Variants in CNTN5 observed in about 807,000 individuals in gnomAD.
The protein encoded by CNTN5 is contactin-5.
A neutral mutation model predicts 129.1 loss-of-function variants in CNTN5; 77 were observed. The observed-to-expected ratio is 0.60, with a 90% confidence interval of 0.50 to 0.72. The LOEUF (loss-of-function observed/expected upper bound fraction) is 0.72. Among genes scored for constraint, CNTN5 ranks in the 30% least tolerant of loss-of-function variants. The pLI is 0.00. For missense variants in CNTN5, 1,478 were observed against 1,328.8 expected, an observed-to-expected ratio of 1.11 and a Z score of -1.75; for synonymous variants, 509 against 465.6, an observed-to-expected ratio of 1.09 and a Z score of -1.20.
intron 1 of CNTN5, among the ~76,000 whole-genome samples, chr11:99,035,606 T>G (rs549009062): frequency 7.0e-4 from 105 of 149,336 alleles, no homozygotes; most frequent in Middle Eastern, 3.4e-3. Context: ...TGCCTTTTTT[T>G]GTTTTCCATT....
chr11:100,293,398 A>G (rs551853262), intron 18 of CNTN5, among the ~76,000 whole-genome samples: 1 of 151,790 alleles, frequency 6.6e-6, no homozygotes, highest in Non-Finnish European at 1.5e-5. Flanking sequence ...AACTGAAAGC[A>G]TAATTCCTTT....
intron 1 of CNTN5, among the ~76,000 whole-genome samples, chr11:99,051,926 G>A (rs1461094606): frequency 1.3e-5 from 2 of 151,838 alleles, no homozygotes; most frequent in Admixed American, 6.6e-5. Flanking sequence ...TGTTAGAGAA[G>A]CATAATGGGA....
chr11:99,881,032 G>A (rs1948758615), intron 6 of CNTN5, among the ~76,000 whole-genome samples: 2 of 152,126 alleles, frequency 1.3e-5, no homozygotes, highest in South Asian at 4.1e-4. Context: ...TTTAAGAGTT[G>A]CAAACTAGTT....
intron 2 of CNTN5, among the ~76,000 whole-genome samples, chr11:99,543,176 G>A (rs767392540): frequency 1.8e-4 from 27 of 152,120 alleles, no homozygotes; most frequent in Non-Finnish European, 3.4e-4. Context: ...TGACTCTACA[G>A]AATCATATTT....
At chr11:99,578,987 C>T (rs1337625605) in intron 3 of CNTN5, among the ~76,000 whole-genome samples, 1 of 151,814 alleles carries the variant, frequency 6.6e-6, no homozygotes, top group East Asian at 1.9e-4. Context: ...GTCTTTAATC[C>T]ATCTTGAGTT....
At chr11:99,343,607 T>C (rs1490565884) in intron 2 of CNTN5, among the ~76,000 whole-genome samples, 1 of 152,206 alleles carries the variant, frequency 6.6e-6, no homozygotes, top group Non-Finnish European at 1.5e-5. Flanking sequence ...TATACGTCGA[T>C]CTCTGTATCT....
chr11:99,510,787 T>C (rs77128273), intron 2 of CNTN5, among the ~76,000 whole-genome samples: 10,008 of 152,272 alleles, frequency 0.066, 363 homozygotes, highest in African/African-American at 0.097. Flanking sequence ...TTTACATATG[T>C]ACTATACTAT....
rs143802176 is a variant in CNTN5 at position 99,215,415 on chromosome 11, C to A, written c.-209-109931C>A. 1.1e-3 allele frequency among the ~76,000 whole-genome samples: 167 copies of A among 152,106 alleles called. 2 individuals carry two copies. In the Middle Eastern group the frequency reaches 0.048, roughly 43 times the overall value. On this transcript the variant is annotated intron_variant, in intron 1 of 24. Coordinates refer to ENST00000524871, the MANE Select transcript of CNTN5 (RefSeq NM_014361.4). ...AATGATCAAAGAAACAAATAGATTT[C>A]GGAGAATTTGGGTAGTAAAGTTCAT...
At chr11:99,094,577 A>G (rs1421317949) in intron 1 of CNTN5, among the ~76,000 whole-genome samples, 1 of 152,020 alleles carries the variant, frequency 6.6e-6, no homozygotes, top group Non-Finnish European at 1.5e-5. Context: ...CAGCGCTAAC[A>G]TGTGGCATAC....
At chr11:99,891,461 C>T (rs1949056647) in intron 6 of CNTN5, among the ~76,000 whole-genome samples, 1 of 152,154 alleles carries the variant, frequency 6.6e-6, no homozygotes, top group South Asian at 2.1e-4. Flanking sequence ...GGTATTTCTC[C>T]TAATGCTATG....
chr11:99,140,157 CTT>C (rs1859441952), intron 1 of CNTN5, among the ~76,000 whole-genome samples: 1 of 152,070 alleles, frequency 6.6e-6, no homozygotes, highest in African/African-American at 2.4e-5. Context: ...ATATGAAAAA[CTT>C]AGAACTGCAC....
chr11:99,339,646 G>A (rs986733058), intron 2 of CNTN5, among the ~76,000 whole-genome samples: 11 of 152,140 alleles, frequency 7.2e-5, no homozygotes, highest in African/African-American at 2.7e-4. Flanking sequence ...GCCGGGTGTG[G>A]TGGCAGGCGC....
Position 99,891,288 on chromosome 11 carries a change from A to G in CNTN5, c.578-24766A>G, listed in dbSNP as rs186951604. 4.1e-3 allele frequency among the ~76,000 whole-genome samples: 629 copies of G among 152,130 alleles called. 9 individuals carry two copies. The highest frequency in any genetic ancestry group is 0.014 in the African/African-American group (585 of 41,522). On this transcript the variant is annotated intron_variant, in intron 6 of 24. Transcript: ENST00000524871. The stretch of plus-strand genomic sequence containing the variant: ...TCTTACAGTCTCAAACCATTCTAAA[A>G]TGAAAAGTTTATTTTTTATTATTTT...
At chr11:100,097,228 A>G (rs1310526394) in intron 13 of CNTN5, among the ~76,000 whole-genome samples, 1 of 152,118 alleles carries the variant, frequency 6.6e-6, no homozygotes, top group Non-Finnish European at 1.5e-5. Flanking sequence ...AGATGGAAGG[A>G]ATATTAGATA....
At chr11:99,810,701 C>T (rs948811926) in intron 3 of CNTN5, among the ~76,000 whole-genome samples, 1 of 152,096 alleles carries the variant, frequency 6.6e-6, no homozygotes, top group Non-Finnish European at 1.5e-5. Context: ...GTGTTTCATC[C>T]ATCCTTGCAA....
chr11:99,237,148 A>G (rs1013769557), intron 1 of CNTN5, among the ~76,000 whole-genome samples: 3 of 152,098 alleles, frequency 2.0e-5, no homozygotes, highest in African/African-American at 7.2e-5. Flanking sequence ...AGGCAATATT[A>G]CTACACGCAA....
chr11:100,272,783 G>T (rs1950430941), intron 18 of CNTN5, among the ~76,000 whole-genome samples: 1 of 152,128 alleles, frequency 6.6e-6, no homozygotes, highest in African/African-American at 2.4e-5. Flanking sequence ...AGTTGAACTG[G>T]CAAGGAGCAA....
At chr11:99,274,212 A>C (rs2135866389) in intron 1 of CNTN5, among the ~76,000 whole-genome samples, 1 of 151,828 alleles carries the variant, frequency 6.6e-6, no homozygotes, top group East Asian at 1.9e-4. Flanking sequence ...CAGTAAGCTT[A>C]TTATATTTGC....
intron 1 of CNTN5, among the ~76,000 whole-genome samples, chr11:99,268,294 A>C (rs1378007038): frequency 6.6e-6 from 1 of 152,048 alleles, no homozygotes; most frequent in African/African-American, 2.4e-5. Flanking sequence ...GAGAATTTAT[A>C]AAAACAAAGC....
Sources: gnomAD v4.1 joint callset for allele counts (sites outside exome capture counted in the v4.1 genomes callset) on GRCh38, gnomAD v4.1.1 for gene constraint, MANE v1.5 for transcripts, NCBI Gene and HGNC (gene_info 2026-07-23, HGNC 2026-07-21) for gene names.